The following PKP4 variants were observed in gnomAD, a reference collection of about 807,000 sequenced individuals.
The protein encoded by PKP4 is plakophilin 4.
A neutral mutation model predicts 145.1 loss-of-function variants in PKP4; 90 were observed. That is an observed-to-expected ratio of 0.62 (90% CI 0.52 to 0.74). The LOEUF (loss-of-function observed/expected upper bound fraction) is 0.74. Among genes scored for constraint, PKP4 ranks in the 30% least tolerant of loss-of-function variants. The pLI, the probability that PKP4 is intolerant of heterozygous loss-of-function variation, is 0.00. For missense variants in PKP4, 1,340 were observed against 1,482.7 expected (o/e 0.90, Z 1.58); for synonymous variants, 563 against 577.2 (o/e 0.98, Z 0.35).
At chr2:158,479,459 A>G (rs1574012093) in intron 1 of PKP4, among the ~76,000 whole-genome samples, 1 of 152,134 alleles carries the variant, frequency 6.6e-6, no homozygotes, top group East Asian at 1.9e-4. Flanking sequence ...CCTGGACTCA[A>G]GCGATCGGCC....
chr2:158,569,025 A>G (rs981421817), intron 2 of PKP4, among the ~76,000 whole-genome samples: 5 of 152,136 alleles, frequency 3.3e-5, no homozygotes, highest in African/African-American at 7.2e-5. Flanking sequence ...ATGAGACTCT[A>G]CCTGTCTTCT....
intron 17 of PKP4, among the ~76,000 whole-genome samples, chr2:158,672,123 C>T (rs114792065): frequency 0.012 from 1,796 of 152,340 alleles, 20 homozygotes; most frequent in Non-Finnish European, 0.018. Flanking sequence ...CCCCTCTGCA[C>T]TTATCCGTGA....
intron 4 of PKP4, among the ~76,000 whole-genome samples, chr2:158,617,214 A>G (rs912458194): frequency 6.6e-6 from 1 of 152,186 alleles, no homozygotes; most frequent in Non-Finnish European, 1.5e-5. Flanking sequence ...TTCTACCTTG[A>G]AGCTTGTTCA....
chr2:158,551,996 A>G (rs1400769908), intron 2 of PKP4, among the ~76,000 whole-genome samples: 2 of 152,228 alleles, frequency 1.3e-5, no homozygotes, highest in East Asian at 3.8e-4. Context: ...TATAAACGTT[A>G]TCTTATTTCA....
At position 158,674,159 on chromosome 2, in the gene PKP4, A is replaced by G. The variant is rs938284806; in HGVS notation, c.3127+159A>G. ...TAGGAATCACACACCATTATAAACC[A>G]CAAGCCCACTTTCTTCCTTTTTAAA... On this transcript the variant is annotated intron_variant, in intron 19 of 21. Transcript: ENST00000389759. 2.0e-5 allele frequency among the ~76,000 whole-genome samples: 3 copies of G among 152,192 alleles called. No homozygotes were observed. The East Asian group carries it at 5.8e-4, about 29-fold the overall frequency.
chr2:158,589,536 C>T (rs1558849387), intron 3 of PKP4, among the ~76,000 whole-genome samples: 1 of 152,178 alleles, frequency 6.6e-6, no homozygotes. Context: ...TATCTGGAAA[C>T]TCTGAAGCGC....
chr2:158,520,319 G>A (rs983441322), intron 1 of PKP4, among the ~76,000 whole-genome samples: 11 of 152,214 alleles, frequency 7.2e-5, no homozygotes, highest in South Asian at 6.2e-4. Flanking sequence ...AGGGCTGAGG[G>A]TATTATATTT....
chr2:158,626,785 A>C (rs2052836758), intron 7 of PKP4, among the ~76,000 whole-genome samples: 2 of 152,164 alleles, frequency 1.3e-5, no homozygotes, highest in East Asian at 3.9e-4. Flanking sequence ...TAATCTGTTC[A>C]TCAACGACTT....
rs1341692159 is a variant in PKP4, at chr2:158,658,322, C to T, written c.2093+8C>T. 6.5e-7 allele frequency: 1 copy of T among 1,533,208 alleles called. No individual in the cohort carries two copies. Among genetic ancestry groups the T allele is most frequent in the African/African-American group, 1.4e-5 (1 of 72,046 alleles). The allele number at this position is 1,533,208 out of a possible 1,614,324, so 95.0% of individuals were successfully genotyped here. ...CACGACAGGTTGCCTAAGGTAAATTCTTTATTTCTTCTTTCCAGTTAATTC... is the reference window on the plus strand; with the variant it reads ...CACGACAGGTTGCCTAAGGTAAATTTTTTATTTCTTCTTTCCAGTTAATTC... On this transcript the variant is annotated splice_region_variant and intron_variant, in intron 12 of 21. Transcript: ENST00000389759.
intron 11 of PKP4, among the ~76,000 whole-genome samples, chr2:158,655,416 A>AC (rs1001790601): frequency 7.2e-5 from 11 of 152,140 alleles, no homozygotes; most frequent in Non-Finnish European, 1.3e-4. Flanking sequence ...ACAAAAAAAA[A>AC]CAGGTTTTTC....
chr2:158,631,629 C>A, intron 7 of PKP4, 124 bp from the exon 8 acceptor site: 1 of 808,614 alleles, frequency 1.2e-6, no homozygotes. Context: ...GGGCTCAAGC[C>A]ATTCTCCCAC....
intron 2 of PKP4, among the ~76,000 whole-genome samples, chr2:158,547,145 T>C (rs1230335353): frequency 6.6e-6 from 1 of 152,090 alleles, no homozygotes; most frequent in Non-Finnish European, 1.5e-5. Context: ...GTTAAACACA[T>C]TTACCCTATG....
intron 3 of PKP4, among the ~76,000 whole-genome samples, chr2:158,580,584 T>C (rs1413757214): frequency 6.6e-6 from 1 of 152,200 alleles, no homozygotes; most frequent in Non-Finnish European, 1.5e-5. Flanking sequence ...AAAGTTGTTA[T>C]TGGTGGTGGT....
intron 3 of PKP4, among the ~76,000 whole-genome samples, chr2:158,583,894 C>T (rs2048553431): frequency 6.6e-6 from 1 of 151,808 alleles, no homozygotes; most frequent in Non-Finnish European, 1.5e-5. Context: ...ACCTTTGTGT[C>T]GAGGGCAGAC....
At chr2:158,553,736 ACTATTATC>A (rs1051217853) in intron 2 of PKP4, among the ~76,000 whole-genome samples, 2 of 152,182 alleles carry the variant, frequency 1.3e-5, no homozygotes, top group African/African-American at 4.8e-5. Context: ...GAGTGTCATA[ACTATTATC>A]CTATGTCTAT....
chr2:158,546,283 G>A (rs143886319), intron 2 of PKP4, among the ~76,000 whole-genome samples: 4 of 151,922 alleles, frequency 2.6e-5, no homozygotes, highest in East Asian at 1.9e-4. Context: ...TTGTTCAAAC[G>A]TCATTTTTCT....
intron 1 of PKP4, among the ~76,000 whole-genome samples, chr2:158,464,684 A>G (rs1245038094): frequency 2.6e-5 from 4 of 152,244 alleles, no homozygotes; most frequent in Non-Finnish European, 1.5e-5. Flanking sequence ...TACCTTCATG[A>G]GAATTGTAAA....
At chr2:158,478,148 A>G (rs1377256087) in intron 1 of PKP4, among the ~76,000 whole-genome samples, 5 of 152,148 alleles carry the variant, frequency 3.3e-5, no homozygotes, top group Non-Finnish European at 7.4e-5. Context: ...GTTAGCTATA[A>G]GATGTAAGGC....
chr2:158,659,176 C>T (rs2056295063), intron 12 of PKP4: 1 of 152,376 alleles, frequency 6.6e-6, no homozygotes, highest in Admixed American at 6.5e-5. Context: ...CTGCAGCCTT[C>T]TAGCATTGAG....
Sources: gnomAD v4.1 joint callset for allele counts (sites outside exome capture counted in the v4.1 genomes callset) on GRCh38, gnomAD v4.1.1 for gene constraint, MANE v1.5 for transcripts, NCBI Gene and HGNC (gene_info 2026-07-23, HGNC 2026-07-21) for gene names.